NR5A1: variants seen among roughly 807,000 people sequenced by gnomAD.
The protein encoded by NR5A1 is nuclear receptor subfamily 5 group A member 1, also known as steroidogenic factor 1.
NR5A1 carries 6 observed loss-of-function variants against 42.7 expected under a neutral mutation model. The observed-to-expected ratio is 0.14, with a 90% CI of 0.08 to 0.28. The LOEUF is 0.28. Among genes scored for constraint, NR5A1 ranks in the 10% least tolerant of loss-of-function variants. The pLI, the probability that NR5A1 is intolerant of heterozygous loss-of-function variation, is 1.00. For synonymous variants in NR5A1, 274 were observed against 277.5 expected (o/e 0.99, Z 0.12); for missense variants, 442 against 626.4 (o/e 0.71, Z 3.14).
At chr9:124,483,379 C>T (rs772614503) in intron 6 of NR5A1, among the ~76,000 whole-genome samples, 2 of 151,982 alleles carry the variant, frequency 1.3e-5, no homozygotes, top group Non-Finnish European at 2.9e-5. Flanking sequence ...CGGGGAGGAT[C>T]CCTGGGCAGT....
At chr9:124,504,024 C>CAGACAGAGAGAGAGAGAGAGAGAGAGAG (rs368063610) in intron 1 of NR5A1, among the ~76,000 whole-genome samples, 1 of 105,910 alleles carries the variant, frequency 9.4e-6, no homozygotes, top group African/African-American at 5.9e-5. Context: ...GACAGGGAGA[C>CAGACAGAGAGAGAGAGAGAGAGAGAGAG]AGAGAGAGAG....
rs562608227 is a variant in NR5A1 at position 124,487,130 on chromosome 9, C to G, written c.1138+3951G>C. On this transcript the variant is annotated intron_variant, in intron 6 of 6. Coordinates refer to ENST00000373588, the MANE Select transcript of NR5A1 (RefSeq NM_004959.5). ...GGAGGGAGCTGGGAGATGGAGCCCCCACCTCGGAGAGCAGCCCGCTAGCTC... is the reference window on the plus strand; with the variant it reads ...GGAGGGAGCTGGGAGATGGAGCCCCGACCTCGGAGAGCAGCCCGCTAGCTC... Among the ~76,000 whole-genome samples, 88 of 152,358 alleles carry G rather than the reference C, an allele frequency of 5.8e-4. 1 individual carries two copies. The South Asian group carries it at 0.018, about 30-fold the overall frequency.
In NR5A1 at chr9:124,501,831, C is replaced by A. The variant is rs1244036281; in HGVS notation, c.245-1116G>T. 6.6e-6 allele frequency among the ~76,000 whole-genome samples: 1 copy of A among 152,194 alleles called. No individual in the cohort carries two copies. Among genetic ancestry groups the A allele is most frequent in the Non-Finnish European group, 1.5e-5 (1 of 68,036 alleles). On this transcript the variant is annotated intron_variant, in intron 3 of 6. Coordinates refer to ENST00000373588, the MANE Select transcript of NR5A1 (RefSeq NM_004959.5). The surrounding 1 kb of genome is among the most constrained non-coding windows in gnomAD (Gnocchi z 4.1). ...GCCACCTGGGGCTTTCTACACTGTTCCAAGACCTTAATCAACCACTGCCTG... is the reference window on the plus strand; with the variant it reads ...GCCACCTGGGGCTTTCTACACTGTTACAAGACCTTAATCAACCACTGCCTG...
rs774230502 is a variant in NR5A1, at chr9:124,504,096, T to TC, written c.-15-687dup. 1.3e-4 allele frequency among the ~76,000 whole-genome samples: 18 copies of TC among 139,186 alleles called. No homozygotes were observed. The East Asian group carries it at 2.8e-3, about 21-fold the overall frequency. 91.3% of individuals were successfully genotyped at this position (139,186 alleles called of 152,430 possible). A position where few individuals can be genotyped will look rare whatever the true frequency, so the allele number is the denominator to read the frequency against. On this transcript the variant is annotated intron_variant, in intron 1 of 6. Coordinates refer to ENST00000373588, the MANE Select transcript of NR5A1 (RefSeq NM_004959.5). ...GAGAAACGAGGGGTGGGGGATTGGA[T>TC]CAGAGACTCGGAGAGACAGCGGAGG...
chr9:124,490,935 T>C (rs1036880197), intron 6 of NR5A1, 146 bp downstream of exon 6: 9 of 1,054,512 alleles, frequency 8.5e-6, no homozygotes, highest in Non-Finnish European at 1.3e-5. Context: ...CTTTGTTCAC[T>C]GAATGAGTAA....
chr9:124,482,765 T>A lies in NR5A1; in HGVS notation c.1379A>T (p.Gln460Leu), dbSNP rs146454575. The change falls in exon 7 of 7, where the codon CAG (glutamine) becomes CTG (leucine). Residue 460 changes from glutamine to leucine, a missense_variant. By Grantham distance (113) the Gln-to-Leu change is moderately radical. This residue lies in a region of NR5A1 where 163 missense variants were observed against 265.8 expected (regional missense o/e 0.61). Coordinates refer to ENST00000373588, the MANE Select transcript of NR5A1 (RefSeq NM_004959.5). ...NLLIEMLQAK[Q>L]T ...CCCGCCCCCGGCCCAGGCTCAAGTC[T>A]GCTTGGCTTGCAGCATTTCGATGAG... 3.3e-5 allele frequency: 43 copies of A among 1,298,418 alleles called. No individual in the cohort carries two copies. In the East Asian group the frequency reaches 5.0e-4, roughly 15 times the overall value. 80.4% of individuals were successfully genotyped at this position (1,298,418 alleles called of 1,614,324 possible). A position where few individuals can be genotyped will look rare whatever the true frequency, so the allele number is the denominator to read the frequency against.
intron 6 of NR5A1, 45 bp downstream of exon 6, chr9:124,491,036 C>CCCCCCCACGGGG: frequency 7.1e-7 from 1 of 1,401,600 alleles, no homozygotes; most frequent in Non-Finnish European, 9.6e-7. Context: ...CCCACCCACC[C>CCCCCCCACGGGG]GCCTCTGGCT....
At chr9:124,505,488 G>A (rs1226549585) in intron 1 of NR5A1, among the ~76,000 whole-genome samples, 2 of 152,198 alleles carry the variant, frequency 1.3e-5, no homozygotes, top group African/African-American at 4.8e-5. Context: ...GAAGTGGGTA[G>A]ATGACCGCTC....
At chr9:124,495,936 C>A (rs73666902) in intron 4 of NR5A1, among the ~76,000 whole-genome samples, 1,708 of 152,344 alleles carry the variant, frequency 0.011, 27 homozygotes, top group African/African-American at 0.039. Context: ...ATGCATCCTC[C>A]ACCCTAATTT....
intron 6 of NR5A1, among the ~76,000 whole-genome samples, chr9:124,488,580 A>G (rs1228784292): frequency 1.3e-5 from 2 of 152,238 alleles, no homozygotes; most frequent in African/African-American, 2.4e-5. Context: ...CATTAACTTA[A>G]TAATGGTGAT....
At position 124,481,508 on chromosome 9, in the gene NR5A1, G is replaced by C. The variant is rs1444621758; in HGVS notation, c.*1250C>G. ...ACCCCGCCGGGGACAGGAGACAGCC[G>C]AGGCCTCTCCCTGGTGCTTCACCCT... On this transcript the variant is annotated 3_prime_UTR_variant, in exon 7 of 7. Coordinates refer to ENST00000373588, the MANE Select transcript of NR5A1 (RefSeq NM_004959.5). 1 of 152,336 alleles carries C rather than the reference G, an allele frequency of 6.6e-6. No homozygotes were observed. Among genetic ancestry groups the C allele is most frequent in the African/African-American group, 2.4e-5 (1 of 41,440 alleles). The allele number at this position is 152,336 out of a possible 1,614,324, so 9.4% of individuals were successfully genotyped here.
At chr9:124,484,628 C>T (rs1204745655) in intron 6 of NR5A1, among the ~76,000 whole-genome samples, 1 of 152,100 alleles carries the variant, frequency 6.6e-6, no homozygotes, top group East Asian at 1.9e-4. Context: ...GTGGCGCGCA[C>T]CTGTAATCCC....
intron 1 of NR5A1, among the ~76,000 whole-genome samples, chr9:124,505,087 G>T (rs1385303587): frequency 6.6e-6 from 1 of 152,002 alleles, no homozygotes; most frequent in East Asian, 1.9e-4. Flanking sequence ...GCCCGCGCCG[G>T]CACCCTCTCC....
At chr9:124,505,712 G>C (rs1277896817) in intron 1 of NR5A1, among the ~76,000 whole-genome samples, 1 of 152,168 alleles carries the variant, frequency 6.6e-6, no homozygotes, top group African/African-American at 2.4e-5. Flanking sequence ...GCCTCTACGG[G>C]CGCAGGAGCT....
chr9:124,503,535 G>A lies in NR5A1; in HGVS notation c.-15-125C>T. The A allele has an allele frequency of 1.4e-6, 1 of 718,018 alleles. No homozygotes were observed. Among genetic ancestry groups the A allele is most frequent in the Non-Finnish European group, 2.1e-6 (1 of 476,232 alleles). The allele number at this position is 718,018 out of a possible 1,614,324, so 44.5% of individuals were successfully genotyped here. A position where few individuals can be genotyped will look rare whatever the true frequency, so the allele number is the denominator to read the frequency against. On this transcript the variant is annotated intron_variant, in intron 1 of 6. Transcript: ENST00000373588. This position sits in a 1 kb window ranked among gnomAD's most constrained non-coding sequence, Gnocchi z 9.6. Reference sequence around the variant, plus strand: ...CCCCTCTCTGTGCCCAGGCGCTGCCGCCGGCACCCACCGAGCGCCCCGCGC... The same window carrying A: ...CCCCTCTCTGTGCCCAGGCGCTGCCACCGGCACCCACCGAGCGCCCCGCGC...
chr9:124,494,589 C>T (rs1832360600), intron 4 of NR5A1, among the ~76,000 whole-genome samples: 2 of 152,216 alleles, frequency 1.3e-5, no homozygotes, highest in South Asian at 4.1e-4. Context: ...CTCTGGGCCC[C>T]AGAGCAGTGG....
chr9:124,503,023 C>G lies in NR5A1; in HGVS notation c.244+56G>C. 6.5e-7 allele frequency: 1 copy of G among 1,530,966 alleles called. No homozygotes were observed. The highest frequency in any genetic ancestry group is 1.2e-5 in the South Asian group (1 of 83,428). The allele number at this position is 1,530,966 out of a possible 1,614,324, so 94.8% of individuals were successfully genotyped here. Reference sequence around the variant, plus strand: ...CCCCTCAGCCCCTCTCCCACCCCCACCCCCTACCCCCTCAGGCTGTGGGGG... The same window carrying G: ...CCCCTCAGCCCCTCTCCCACCCCCAGCCCCTACCCCCTCAGGCTGTGGGGG... On this transcript the variant is annotated intron_variant, in intron 3 of 6. Transcript: ENST00000373588. The surrounding 1 kb of genome is among the most constrained non-coding windows in gnomAD (Gnocchi z 9.6).
chr9:124,491,021 A>ACCC, intron 6 of NR5A1, 60 bp downstream of exon 6: 2 of 237,394 alleles, frequency 8.4e-6, no homozygotes, highest in East Asian at 1.1e-4. Context: ...AGCCTCACCC[A>ACCC]CCCTCCCACC....
intron 3 of NR5A1, among the ~76,000 whole-genome samples, 176 bp downstream of exon 3, chr9:124,502,903 C>T (rs927289867): frequency 6.6e-6 from 1 of 152,202 alleles, no homozygotes; most frequent in Non-Finnish European, 1.5e-5. Context: ...GTCCCTTCCC[C>T]GCCCGAGGCC....
Sources: gnomAD v4.1 joint callset for allele counts (sites outside exome capture counted in the v4.1 genomes callset) on GRCh38, gnomAD v4.1.1 for gene constraint, gnomAD v4.1.1 regional missense constraint, Gnocchi (gnomAD v3.1) non-coding constraint, MANE v1.5 for transcripts, NCBI Gene and HGNC (gene_info 2026-07-23, HGNC 2026-07-21) for gene names.